AGAP1: variants seen among roughly 807,000 people sequenced by gnomAD.
AGAP1 encodes ArfGAP with GTPase domain, ankyrin repeat and PH domain 1.
In AGAP1, 29 loss-of-function variants were observed where a neutral mutation model predicts 105.3. That is an observed-to-expected ratio of 0.28 (90% CI 0.21 to 0.38). AGAP1 has a LOEUF of 0.38. Among genes scored for constraint, AGAP1 ranks in the 10% least tolerant of loss-of-function variants. The pLI is 1.00. For missense variants in AGAP1, 998 were observed against 1,165.1 expected (o/e 0.86, Z 2.09); for synonymous variants, 509 against 485.9 (o/e 1.05, Z -0.63).
Position 235,788,818 on chromosome 2 carries a change from T to C in AGAP1, c.674-8941T>C, listed in dbSNP as rs921828474. On this transcript the variant is annotated intron_variant, in intron 6 of 17. Coordinates refer to ENST00000304032, the MANE Select transcript of AGAP1 (RefSeq NM_001037131.3). This position sits in a 1 kb window ranked among gnomAD's most constrained non-coding sequence, Gnocchi z 6.0. ...CAGACCGGCAGTAGACAAAACCAGC[T>C]GCGGGGCCACACCACGTTAGGGTGC... Among the ~76,000 whole-genome samples, 2 of 152,090 alleles carry C rather than the reference T, an allele frequency of 1.3e-5. No individual in the cohort carries two copies. Among genetic ancestry groups the C allele is most frequent in the Non-Finnish European group, 2.9e-5 (2 of 68,010 alleles).
chr2:236,001,232 G>T lies in AGAP1; in HGVS notation c.1645+32609G>T, dbSNP rs970337663. ...AAACCAAGAGAAAGGAAAGGGACAG[G>T]TCCTCCGGGGAGCCTTCATGGGGAG... On this transcript the variant is annotated intron_variant, in intron 13 of 17. Coordinates refer to ENST00000304032, the MANE Select transcript of AGAP1 (RefSeq NM_001037131.3). This position sits in a 1 kb window ranked among gnomAD's most constrained non-coding sequence, Gnocchi z 4.7. 3.3e-5 allele frequency among the ~76,000 whole-genome samples: 5 copies of T among 152,210 alleles called. No homozygotes were observed. Among genetic ancestry groups the T allele is most frequent in the African/African-American group, 1.2e-4 (5 of 41,460 alleles).
rs1362578015 is a variant in AGAP1, at chr2:235,981,778, A to G, written c.1645+13155A>G. On this transcript the variant is annotated intron_variant, in intron 13 of 17. Coordinates refer to ENST00000304032, the MANE Select transcript of AGAP1 (RefSeq NM_001037131.3). The surrounding 1 kb of genome is among the most constrained non-coding windows in gnomAD (Gnocchi z 5.5). ...AAGTTTAAGTAACTTGCTCAAGGCC[A>G]TAGACGTAGAAAGCAGCGATAGGGC... is the stretch of plus-strand genomic sequence containing the variant. 6.6e-6 allele frequency among the ~76,000 whole-genome samples: 1 copy of G among 152,190 alleles called. No homozygotes were observed. The highest frequency in any genetic ancestry group is 1.9e-4 in the East Asian group (1 of 5,186).
rs999157392 is a variant in AGAP1, at chr2:236,050,834, A to G, written c.2114+1553A>G. Among the ~76,000 whole-genome samples the G allele has an allele frequency of 6.6e-6, 1 of 152,244 alleles. No homozygotes were observed. Among genetic ancestry groups the G allele is most frequent in the Admixed American group, 6.5e-5 (1 of 15,284 alleles). ...TAAAATTTAGAAACCATTTGGAATT[A>G]TTCGAAGCAAAGATACGGGTTCATG... On this transcript the variant is annotated intron_variant, in intron 16 of 17. Transcript: ENST00000304032. This position sits in a 1 kb window ranked among gnomAD's most constrained non-coding sequence, Gnocchi z 4.0.
Position 235,904,892 on chromosome 2 carries a change from G to A in AGAP1, c.1156-3846G>A, listed in dbSNP as rs2051228756. On this transcript the variant is annotated intron_variant, in intron 10 of 17. Transcript: ENST00000304032. This position sits in a 1 kb window ranked among gnomAD's most constrained non-coding sequence, Gnocchi z 4.2. ...GAGTCGGAGGGCTTTTATTGAGTAGGAAATGCATTTTGTAAAATTTTTAAA... is the reference window on the plus strand; with the variant it reads ...GAGTCGGAGGGCTTTTATTGAGTAGAAAATGCATTTTGTAAAATTTTTAAA... Among the ~76,000 whole-genome samples the A allele has an allele frequency of 6.6e-6, 1 of 152,148 alleles. No homozygotes were observed. Among genetic ancestry groups the A allele is most frequent in the Non-Finnish European group, 1.5e-5 (1 of 68,024 alleles).
intron 5 of AGAP1, among the ~76,000 whole-genome samples, chr2:235,745,841 T>C (rs1952885888): frequency 6.6e-6 from 1 of 152,188 alleles, no homozygotes; most frequent in Non-Finnish European, 1.5e-5. Flanking sequence ...CCACAAACAT[T>C]TTCCAGCCAG....
intron 12 of AGAP1, among the ~76,000 whole-genome samples, chr2:235,947,051 T>C (rs1313525040): frequency 6.6e-6 from 1 of 152,246 alleles, no homozygotes; most frequent in African/African-American, 2.4e-5. Flanking sequence ...ACTTAACTGG[T>C]TGAAATGTGA....
intron 11 of AGAP1, among the ~76,000 whole-genome samples, chr2:235,912,845 C>A (rs189012943): frequency 6.6e-6 from 1 of 152,264 alleles, no homozygotes; most frequent in African/African-American, 2.4e-5. Context: ...GATAAAAATG[C>A]CTCATGTTTT....
intron 13 of AGAP1, among the ~76,000 whole-genome samples, chr2:236,025,487 C>T (rs2057021806): frequency 6.6e-6 from 1 of 152,172 alleles, no homozygotes; most frequent in Non-Finnish European, 1.5e-5. Flanking sequence ...TTAGGAGGAG[C>T]ATGTTCCTGT....
At position 235,863,998 on chromosome 2, in the gene AGAP1, T is replaced by A. The variant is rs190481963; in HGVS notation, c.1051-19347T>A. 3.9e-3 allele frequency among the ~76,000 whole-genome samples: 595 copies of A among 152,346 alleles called. 6 individuals carry two copies. The highest frequency in any genetic ancestry group is 0.014 in the African/African-American group (565 of 41,584). The stretch of plus-strand genomic sequence containing the variant: ...AGGACAAATCTTTTATGCGGAGGAC[T>A]TGTAAATATTTTCCATAGATATAAA... On this transcript the variant is annotated intron_variant, in intron 9 of 17. Transcript: ENST00000304032.
At chr2:235,579,218 A>G (rs969206158) in intron 1 of AGAP1, among the ~76,000 whole-genome samples, 1 of 152,158 alleles carries the variant, frequency 6.6e-6, no homozygotes, top group African/African-American at 2.4e-5. Context: ...AGGCAGTTCT[A>G]TTTATGCCCA....
At chr2:235,852,640 A>C in intron 9 of AGAP1, 1 of 1,408,766 alleles carries the variant, frequency 7.1e-7, no homozygotes, top group Non-Finnish European at 9.3e-7. Context: ...CCCTCATCAG[A>C]TAAAGCAGTT....
chr2:235,987,120 T>A (rs2055345533), intron 13 of AGAP1, among the ~76,000 whole-genome samples: 1 of 150,254 alleles, frequency 6.7e-6, no homozygotes, highest in Admixed American at 6.6e-5. Flanking sequence ...TATTTATTTA[T>A]TTATTTATTT....
rs71943898 is a variant in AGAP1 at position 236,008,885 on chromosome 2, CTTAG to C, written c.1646-27671_1646-27668del. ...GATGACTTTTATTTCATGAGTTTTACTTAGTTAGGTGTTTTATCTTCTGTGTTTT... is the reference window on the plus strand; with the variant it reads ...GATGACTTTTATTTCATGAGTTTTACTTAGGTGTTTTATCTTCTGTGTTTT... On this transcript the variant is annotated intron_variant, in intron 13 of 17. Coordinates refer to ENST00000304032, the MANE Select transcript of AGAP1 (RefSeq NM_001037131.3). 5.1e-3 allele frequency among the ~76,000 whole-genome samples: 781 copies of C among 152,326 alleles called. 10 individuals carry two copies. Among genetic ancestry groups the C allele is most frequent in the African/African-American group, 0.017 (716 of 41,574 alleles).
chr2:236,047,886 G>A (rs56294814), intron 15 of AGAP1, among the ~76,000 whole-genome samples: 3 of 151,976 alleles, frequency 2.0e-5, no homozygotes, highest in Admixed American at 6.5e-5. Flanking sequence ...ACAGGCATGA[G>A]CCACCACCGC....
chr2:236,047,594 A>ATTTTTTTTT (rs2057759642), intron 15 of AGAP1, among the ~76,000 whole-genome samples: 2 of 92,482 alleles, frequency 2.2e-5, no homozygotes, highest in African/African-American at 5.1e-5. Context: ...CTCTTCTCAC[A>ATTTTTTTTT]TTTCTTTTTT....
At chr2:235,527,642 C>A (rs186259371) in intron 1 of AGAP1, among the ~76,000 whole-genome samples, 3 of 152,160 alleles carry the variant, frequency 2.0e-5, no homozygotes, top group African/African-American at 7.2e-5. Context: ...CCTATCTTAG[C>A]GTCCCGAAGT....
Position 235,910,143 on chromosome 2 carries a change from G to A in AGAP1, c.1324+1237G>A, listed in dbSNP as rs572940393. On this transcript the variant is annotated intron_variant, in intron 11 of 17. Coordinates refer to ENST00000304032, the MANE Select transcript of AGAP1 (RefSeq NM_001037131.3). The stretch of plus-strand genomic sequence containing the variant: ...GACTGCCTGGTTCTGAGGCATGAAC[G>A]ACACTGGTAGGTGAGAGCAAGATGG... Among the ~76,000 whole-genome samples the A allele has an allele frequency of 5.5e-4, 10 of 18,228 alleles. No homozygotes were observed. The South Asian group carries it at 0.011, about 20-fold the overall frequency. The allele number at this position is 18,228 out of a possible 152,430, so 12.0% of individuals were successfully genotyped here. A position where few individuals can be genotyped will look rare whatever the true frequency, so the allele number is the denominator to read the frequency against.
rs150899719 is a variant in AGAP1 at position 235,976,183 on chromosome 2, G to A, written c.1645+7560G>A. Among the ~76,000 whole-genome samples, 138 of 152,262 alleles carry A rather than the reference G, an allele frequency of 9.1e-4. 1 individual carries two copies. Among genetic ancestry groups the A allele is most frequent in the African/African-American group, 2.6e-3 (108 of 41,548 alleles). ...AGTGATGGGAGCCACCATGCATCCC[G>A]ACGGACTTGCCTCCTCCCCACAAAC... On this transcript the variant is annotated intron_variant, in intron 13 of 17. Coordinates refer to ENST00000304032, the MANE Select transcript of AGAP1 (RefSeq NM_001037131.3). This position sits in a 1 kb window ranked among gnomAD's most constrained non-coding sequence, Gnocchi z 4.5.
chr2:235,998,874 G>T (rs1329530948), intron 13 of AGAP1, among the ~76,000 whole-genome samples: 1 of 151,634 alleles, frequency 6.6e-6, no homozygotes. Context: ...AGAGTTGGTG[G>T]TGGTGGTGGT....
Sources: allele counts gnomAD v4.1 joint callset (sites outside exome capture counted in the v4.1 genomes callset), GRCh38; gene constraint gnomAD v4.1.1; non-coding constraint Gnocchi (gnomAD v3.1); transcripts MANE v1.5; gene names NCBI Gene and HGNC (gene_info 2026-07-23, HGNC 2026-07-21).